Variants in CFAP97D1 observed in about 807,000 individuals in gnomAD.
The protein encoded by CFAP97D1 is CFAP97 domain containing 1.
A neutral mutation model predicts 20.5 loss-of-function variants in CFAP97D1; 15 were observed. That is an observed-to-expected ratio of 0.73 (90% CI 0.49 to 1.13). The LOEUF (loss-of-function observed/expected upper bound fraction) is 1.13. Among genes scored for constraint, CFAP97D1 ranks in the 50% most tolerant of loss-of-function variants. The pLI is 0.00. For missense variants in CFAP97D1, 168 were observed against 202.9 expected, an observed-to-expected ratio of 0.83 and a Z score of 1.04; for synonymous variants, 58 against 71.2, an observed-to-expected ratio of 0.82 and a Z score of 0.93.
At chr17:43,782,230 T>C (rs1309113547) in intron 3 of CFAP97D1, among the ~76,000 whole-genome samples, 1 of 152,160 alleles carries the variant, frequency 6.6e-6, no homozygotes, top group Non-Finnish European at 1.5e-5. Flanking sequence ...ACAACAAAAA[T>C]TTCTCATAGT....
intron 1 of CFAP97D1, 75 bp downstream of exon 1, chr17:43,780,661 A>G: frequency 1.3e-6 from 2 of 1,502,876 alleles, no homozygotes; most frequent in Non-Finnish European, 1.8e-6. Context: ...TCAACAGGAA[A>G]CCAGACCAGG....
chr17:43,783,407 C>T, intron 4 of CFAP97D1, 104 bp downstream of exon 4: 1 of 1,384,300 alleles, frequency 7.2e-7, no homozygotes, highest in Non-Finnish European at 9.8e-7. Context: ...AGTCAGATCA[C>T]ATGAAATGTA....
chr17:43,780,445 T>C lies in CFAP97D1; in HGVS notation c.-18T>C. On this transcript the variant is annotated 5_prime_UTR_variant, in exon 1 of 6. Transcript: ENST00000449302. ...GAGTCTGGGTACCTCATTTCTGAAGTGAGACTAGGAAGAGAAGATGAACAA... is the reference window on the plus strand; with the variant it reads ...GAGTCTGGGTACCTCATTTCTGAAGCGAGACTAGGAAGAGAAGATGAACAA... The C allele has an allele frequency of 2.6e-6, 4 of 1,551,530 alleles. No homozygotes were observed. Among genetic ancestry groups the C allele is most frequent in the Non-Finnish European group, 3.5e-6 (4 of 1,146,920 alleles).
intron 3 of CFAP97D1, 116 bp from the exon 4 acceptor site, chr17:43,783,064 C>A: frequency 7.6e-7 from 1 of 1,312,588 alleles, no homozygotes; most frequent in South Asian, 1.4e-5. Flanking sequence ...CTCAGCAGGA[C>A]AGTTTACTCC....
At position 43,785,670 on chromosome 17, in the gene CFAP97D1, G is replaced by T. The variant is rs564888566; in HGVS notation, c.*1288G>T. 6.6e-6 allele frequency: 1 copy of T among 152,226 alleles called. No individual in the cohort carries two copies. 9.4% of individuals were successfully genotyped at this position (152,226 alleles called of 1,614,324 possible). A position where few individuals can be genotyped will look rare whatever the true frequency, so the allele number is the denominator to read the frequency against. The stretch of plus-strand genomic sequence containing the variant: ...GAACTCCTGACCTCGTGATCCGCCC[G>T]CCTCGGCCTCTCAAAGTGCTGGGAT... On this transcript the variant is annotated 3_prime_UTR_variant, in exon 6 of 6. Coordinates refer to ENST00000449302, the MANE Select transcript of CFAP97D1 (RefSeq NM_001136483.3).
At chr17:43,781,420 T>C (rs1974472683) in intron 2 of CFAP97D1, among the ~76,000 whole-genome samples, 1 of 148,526 alleles carries the variant, frequency 6.7e-6, no homozygotes. Context: ...AACCTCCGCC[T>C]CCCAGATTCA....
At chr17:43,781,674 A>T in intron 2 of CFAP97D1, 100 bp from the exon 3 acceptor site, 1 of 820,586 alleles carries the variant, frequency 1.2e-6, no homozygotes, top group Non-Finnish European at 2.0e-6. Context: ...CCCTCAATGC[A>T]CCCCTTTCCC....
Position 43,783,280 on chromosome 17 carries a change from A to G in CFAP97D1, c.415A>G (p.Arg139Gly). 6.4e-7 allele frequency: 1 copy of G among 1,551,378 alleles called. No homozygotes were observed. The highest frequency in any genetic ancestry group is 8.7e-7 in the Non-Finnish European group (1 of 1,146,826). ...LVDRKPHYDR[R>G]ASEIDWQNSR... is the part of the protein sequence containing the mutation. ...TGATCGCAAACCCCACTATGACCGC[A>G]GGGCATCTGAGATAGACTGGCAGGC... is the stretch of plus-strand genomic sequence containing the variant. Residue 139 changes from arginine to glycine, a missense_variant, in exon 4 of 6, where the codon AGG (arginine) becomes GGG (glycine). Arg to Gly is a moderately radical substitution (Grantham distance 125). Transcript: ENST00000449302.
chr17:43,780,833 G>T (rs1974464859), intron 1 of CFAP97D1, among the ~76,000 whole-genome samples: 1 of 152,216 alleles, frequency 6.6e-6, no homozygotes, highest in South Asian at 2.1e-4. Context: ...GACTTCAGAA[G>T]CCAATAGACA....
chr17:43,786,882 G>T lies in CFAP97D1; in HGVS notation c.*2500G>T, dbSNP rs1158876220. On this transcript the variant is annotated 3_prime_UTR_variant, in exon 6 of 6. Coordinates refer to ENST00000449302, the MANE Select transcript of CFAP97D1 (RefSeq NM_001136483.3). ...TTTTTATTGCTGAGTAGTATTCCAT[G>T]GTATGGACATGCTACAATATATTTA... 2 of 152,028 alleles carry T rather than the reference G, an allele frequency of 1.3e-5. No homozygotes were observed. The highest frequency in any genetic ancestry group is 2.9e-5 in the Non-Finnish European group (2 of 68,020). 9.4% of individuals were successfully genotyped at this position (152,028 alleles called of 1,614,324 possible).
intron 5 of CFAP97D1, 48 bp from the exon 6 acceptor site, chr17:43,784,335 T>G (rs755663729): frequency 4.4e-4 from 70 of 157,374 alleles, no homozygotes; most frequent in Middle Eastern, 3.4e-3. Context: ...CAAAGAATAG[T>G]TCTGTATAAT....
intron 1 of CFAP97D1, among the ~76,000 whole-genome samples, chr17:43,780,869 G>A (rs1181079593): frequency 6.6e-6 from 1 of 152,194 alleles, no homozygotes; most frequent in Non-Finnish European, 1.5e-5. Context: ...AAAAAGATTG[G>A]AAGAGAAGCT....
intron 4 of CFAP97D1, 22 bp downstream of exon 4, chr17:43,783,325 A>T: frequency 6.4e-7 from 1 of 1,550,736 alleles, no homozygotes; most frequent in Admixed American, 2.0e-5. Context: ...CTCATGTTAT[A>T]CTCCCAGACA....
chr17:43,781,605 G>A (rs768867767), intron 2 of CFAP97D1, among the ~76,000 whole-genome samples, 169 bp from the exon 3 acceptor site: 6 of 151,822 alleles, frequency 4.0e-5, no homozygotes, highest in Non-Finnish European at 8.8e-5. Flanking sequence ...GATTACAGGC[G>A]TGAGCCACCG....
In CFAP97D1 at chr17:43,783,856, G is replaced by C. The variant is rs1207339083; in HGVS notation, c.458G>C (p.Arg153Thr). ...IDWQNSRRYIRNTTRYLLSQN... is the reference protein window; with the variant it reads ...IDWQNSRRYITNTTRYLLSQN... ...TTCAAGAATTCAAGGCGCTATATCA[G>C]AAATACCACGAGATATCTTCTCTCC... The change falls in exon 5 of 6, where the codon AGA (arginine) becomes ACA (threonine). Residue 153 changes from arginine (R) to threonine (T), a missense_variant. Arg to Thr is a moderately conservative substitution (Grantham distance 71). Transcript: ENST00000449302. 1 of 1,550,104 alleles carries C rather than the reference G, an allele frequency of 6.5e-7. No homozygotes were observed. The highest frequency in any genetic ancestry group is 8.7e-7 in the Non-Finnish European group (1 of 1,146,726).
At position 43,785,789 on chromosome 17, in the gene CFAP97D1, G is replaced by A. The variant is rs985042707; in HGVS notation, c.*1407G>A. ...CCTGGAAAGGGGTGGTAACTCCTAG[G>A]TGTTGCTACGGTAATGGTAAACTGA... On this transcript the variant is annotated 3_prime_UTR_variant, in exon 6 of 6. Transcript: ENST00000449302. 6.6e-6 allele frequency: 1 copy of A among 152,214 alleles called. No individual in the cohort carries two copies. The highest frequency in any genetic ancestry group is 1.5e-5 in the Non-Finnish European group (1 of 68,070). The allele number at this position is 152,214 out of a possible 1,614,324, so 9.4% of individuals were successfully genotyped here.
At chr17:43,783,644 T>C (rs749259917) in intron 4 of CFAP97D1, among the ~76,000 whole-genome samples, 193 bp from the exon 5 acceptor site, 1 of 151,726 alleles carries the variant, frequency 6.6e-6, no homozygotes, top group Non-Finnish European at 1.5e-5. Flanking sequence ...TCAGTCAGTA[T>C]GCGGTTGGTT....
intron 5 of CFAP97D1, 106 bp downstream of exon 5, chr17:43,783,999 CTT>C: frequency 1.2e-6 from 1 of 811,888 alleles, no homozygotes; most frequent in Non-Finnish European, 1.9e-6. Context: ...GGATTTTGCT[CTT>C]CTCATATAAT....
intron 4 of CFAP97D1, 121 bp from the exon 5 acceptor site, chr17:43,783,716 A>T: frequency 1.3e-6 from 1 of 767,404 alleles, no homozygotes; most frequent in South Asian, 1.7e-5. Flanking sequence ...GTGGTGTTTT[A>T]AAAAACCTCC....
Sources: allele counts gnomAD v4.1 joint callset (sites outside exome capture counted in the v4.1 genomes callset), GRCh38; gene constraint gnomAD v4.1.1; transcripts MANE v1.5; gene names NCBI Gene and HGNC (gene_info 2026-07-23, HGNC 2026-07-21).